The following PLXND1 variants were observed in gnomAD, a reference collection of about 807,000 sequenced individuals.
The protein encoded by PLXND1 is plexin D1.
A neutral mutation model predicts 197.7 loss-of-function variants in PLXND1; 54 were observed. The observed-to-expected ratio is 0.27, with a 90% CI of 0.22 to 0.34. The LOEUF is 0.34. PLXND1 is among the 10% of genes least tolerant of loss of function. The probability of loss-of-function intolerance (pLI) is 1.00; values close to 1 mark genes in which losing one functional copy is unlikely to be tolerated. For synonymous variants in PLXND1, 1,180 were observed against 1,161.2 expected (o/e 1.02, Z -0.33); for missense variants, 2,127 against 2,699.2 (o/e 0.79, Z 4.70).
intron 8 of PLXND1, among the ~76,000 whole-genome samples, chr3:129,580,830 C>A (rs2085376896): frequency 6.6e-6 from 1 of 151,902 alleles, no homozygotes; most frequent in Non-Finnish European, 1.5e-5. Flanking sequence ...CGTCTCTGTA[C>A]CCCCAGGGAC....
intron 20 of PLXND1, among the ~76,000 whole-genome samples, chr3:129,568,800 T>C (rs1387352506): frequency 6.6e-6 from 1 of 152,224 alleles, no homozygotes; most frequent in Non-Finnish European, 1.5e-5. Context: ...CCACCCACCT[T>C]GGCCTCCCAA....
At chr3:129,592,883 G>T (rs2085566951) in intron 1 of PLXND1, among the ~76,000 whole-genome samples, 1 of 152,126 alleles carries the variant, frequency 6.6e-6, no homozygotes, top group African/African-American at 2.4e-5. Flanking sequence ...CTGGGGGAGG[G>T]GGATGCAGGC....
chr3:129,572,827 GC>G lies in PLXND1; in HGVS notation c.2937+14del. On this transcript the variant is annotated intron_variant, in intron 14 of 35. Coordinates refer to ENST00000324093, the MANE Select transcript of PLXND1 (RefSeq NM_015103.3). ...TGCTGGGCGGGCCGGACAGTGGGCT[GC>G]AGCCCCCCCTTACCACGTAGGAGAA... 1 of 1,612,492 alleles carries G rather than the reference GC, an allele frequency of 6.2e-7. No individual in the cohort carries two copies. Among genetic ancestry groups the G allele is most frequent in the East Asian group, 2.2e-5 (1 of 44,868 alleles).
At chr3:129,589,875 G>A (rs888222031) in intron 1 of PLXND1, among the ~76,000 whole-genome samples, 6 of 152,110 alleles carry the variant, frequency 3.9e-5, no homozygotes, top group Non-Finnish European at 8.8e-5. Context: ...CCTCCTGGCT[G>A]GGCACAGCTG....
chr3:129,598,736 C>G (rs2085663674), intron 1 of PLXND1, among the ~76,000 whole-genome samples: 1 of 152,136 alleles, frequency 6.6e-6, no homozygotes, highest in Admixed American at 6.5e-5. Context: ...CTGGCTCACA[C>G]CCCTTCGGTC....
intron 8 of PLXND1, among the ~76,000 whole-genome samples, chr3:129,578,966 ATACCACCGG>A (rs1444700949): frequency 6.6e-6 from 1 of 152,192 alleles, no homozygotes; most frequent in Non-Finnish European, 1.5e-5. Context: ...AGAGGGCCAG[ATACCACCGG>A]TCTCCAGGGG....
chr3:129,606,464 G>T lies in PLXND1; in HGVS notation c.176C>A (p.Thr59Asn). Residue 59 changes from threonine (T) to asparagine (N), a missense_variant, in exon 1 of 36, where the codon ACC becomes AAC. Thr to Asn is a moderately conservative substitution (Grantham distance 65, BLOSUM62 0). This residue lies in a region of PLXND1 where 245 missense variants were observed against 267.1 expected (regional missense o/e 0.92). Transcript: ENST00000324093. Reference protein sequence around the residue: ...IQRRFPSPTPTNNFALDGAAG... With the variant: ...IQRRFPSPTPNNNFALDGAAG... ...CGCGCCGTCCAGGGCGAAGTTGTTG[G>T]TGGGCGTGGGCGAGGGGAACCGACG... 1 of 1,440,516 alleles carries T rather than the reference G, an allele frequency of 6.9e-7. No homozygotes were observed. 89.2% of individuals were successfully genotyped at this position (1,440,516 alleles called of 1,614,324 possible). A position where few individuals can be genotyped will look rare whatever the true frequency, so the allele number is the denominator to read the frequency against.
chr3:129,563,626 GC>G (rs2108767119), intron 25 of PLXND1, among the ~76,000 whole-genome samples: 1 of 152,316 alleles, frequency 6.6e-6, no homozygotes, highest in South Asian at 2.1e-4. Context: ...TAAGTGGGGG[GC>G]CCCCAAGTGT....
chr3:129,585,930 T>C, intron 5 of PLXND1, 22 bp downstream of exon 5: 1 of 1,613,588 alleles, frequency 6.2e-7, no homozygotes, highest in Non-Finnish European at 8.5e-7. Flanking sequence ...CCGAGCTGGG[T>C]CTTGCCTCCC....
In PLXND1 at chr3:129,574,539, C is replaced by T. The variant is rs776093689; in HGVS notation, c.2531-49G>A. On this transcript the variant is annotated intron_variant, in intron 11 of 35. Coordinates refer to ENST00000324093, the MANE Select transcript of PLXND1 (RefSeq NM_015103.3). Reference sequence around the variant, plus strand: ...GTCAGCCCCGCTCTGCGGTGCATGCCCCAACACCGCTGTGCCCTCCACACA... The same window carrying T: ...GTCAGCCCCGCTCTGCGGTGCATGCTCCAACACCGCTGTGCCCTCCACACA... The T allele has an allele frequency of 2.6e-6, 4 of 1,560,332 alleles. No individual in the cohort carries two copies. The African/African-American group carries it at 4.1e-5, about 16-fold the overall frequency.
intron 1 of PLXND1, among the ~76,000 whole-genome samples, chr3:129,592,257 C>A (rs1356395263): frequency 6.6e-6 from 1 of 152,236 alleles, no homozygotes; most frequent in Non-Finnish European, 1.5e-5. Flanking sequence ...GGTCCCACCC[C>A]TCAGCAATCC....
intron 10 of PLXND1, 48 bp from the exon 11 acceptor site, chr3:129,575,610 G>A: frequency 7.1e-7 from 1 of 1,403,196 alleles, no homozygotes; most frequent in Non-Finnish European, 9.9e-7. Flanking sequence ...AATGCCTGGG[G>A]CTCTGCTGGG....
At chr3:129,584,063 A>T in intron 7 of PLXND1, 62 bp downstream of exon 7, 3 of 1,089,966 alleles carry the variant, frequency 2.8e-6, no homozygotes, top group Non-Finnish European at 4.1e-6. Flanking sequence ...GAAAGCAAAG[A>T]CCCTTCCCGG....
chr3:129,589,308 C>CGGGGGG, intron 2 of PLXND1, 43 bp downstream of exon 2: 2 of 628,606 alleles, frequency 3.2e-6, no homozygotes. Flanking sequence ...CCCAGGGGAG[C>CGGGGGG]CTCCCACCCC....
chr3:129,586,573 G>A lies in PLXND1; in HGVS notation c.1620+15C>T. On this transcript the variant is annotated intron_variant, in intron 3 of 35. Transcript: ENST00000324093. Reference sequence around the variant, plus strand: ...CTGGTGCTGGGATGGCGTTGGGCTGGGGCTCTGGCCTCACCTGGTGGGACG... The same window carrying A: ...CTGGTGCTGGGATGGCGTTGGGCTGAGGCTCTGGCCTCACCTGGTGGGACG... The A allele has an allele frequency of 6.4e-7, 1 of 1,562,218 alleles. No individual in the cohort carries two copies. The highest frequency in any genetic ancestry group is 8.7e-7 in the Non-Finnish European group (1 of 1,152,438).
At chr3:129,573,204 GTT>G (rs2085263330) in intron 13 of PLXND1, among the ~76,000 whole-genome samples, 1 of 152,182 alleles carries the variant, frequency 6.6e-6, no homozygotes, top group African/African-American at 2.4e-5. Context: ...AGGAAAGCCA[GTT>G]CAGTCTCTGC....
In PLXND1 at chr3:129,572,832, C is replaced by T. The variant is rs376825658; in HGVS notation, c.2937+10G>A. The T allele has an allele frequency of 5.8e-5, 94 of 1,609,804 alleles. No individual in the cohort carries two copies. The highest frequency in any genetic ancestry group is 1.5e-4 in the South Asian group (14 of 91,072). On this transcript the variant is annotated intron_variant, in intron 14 of 35. Coordinates refer to ENST00000324093, the MANE Select transcript of PLXND1 (RefSeq NM_015103.3). ...GGCGGGCCGGACAGTGGGCTGCAGC[C>T]CCCCCTTACCACGTAGGAGAAGCGG...
chr3:129,586,208 G>A lies in PLXND1; in HGVS notation c.1685C>T (p.Ala562Val), dbSNP rs746020904. 53 of 1,603,976 alleles carry A rather than the reference G, an allele frequency of 3.3e-5. No individual in the cohort carries two copies. Among genetic ancestry groups the A allele is most frequent in the East Asian group, 9.0e-5 (4 of 44,638 alleles). Residue 562 changes from alanine to valine, a missense_variant, in exon 4 of 36, where the codon GCG (alanine) becomes GTG (valine). Coordinates refer to ENST00000324093, the MANE Select transcript of PLXND1 (RefSeq NM_015103.3). ...GGCACACCAGCCGCAGTAGGCGTCC[G>A]CCGCACCCACGCAGTCCCCACAGGT... ...HSTCGDCVGAADAYCGWCALE... is the reference protein window; with the variant it reads ...HSTCGDCVGAVDAYCGWCALE...
rs1210135132 is a variant in PLXND1, at chr3:129,571,219, T to C, written c.3421A>G (p.Ile1141Val). Residue 1141 changes from isoleucine (I) to valine (V), a missense_variant, in exon 18 of 36, where the codon ATC (isoleucine) becomes GTC (valine). Physicochemically the swap from Ile to Val is conservative, Grantham distance 29. Coordinates refer to ENST00000324093, the MANE Select transcript of PLXND1 (RefSeq NM_015103.3). ...TCGTCTGCGTAGGCCCGCCCATTGA[T>C]GAAGAAGTCCACTGGCGCTGATGCG... is the stretch of plus-strand genomic sequence containing the variant. The part of the protein sequence containing the change: ...SNASAPVDFF[I>V]NGRAYADEVA... 2 of 1,614,136 alleles carry C rather than the reference T, an allele frequency of 1.2e-6. No individual in the cohort carries two copies. Among genetic ancestry groups the C allele is most frequent in the South Asian group, 1.1e-5 (1 of 91,084 alleles).
Sources: gnomAD v4.1 joint callset for allele counts (sites outside exome capture counted in the v4.1 genomes callset) on GRCh38, gnomAD v4.1.1 for gene constraint, gnomAD v4.1.1 regional missense constraint, MANE v1.5 for transcripts, NCBI Gene and HGNC (gene_info 2026-07-23, HGNC 2026-07-21) for gene names.